The following KSR2 variants were observed in gnomAD, a reference collection of about 807,000 sequenced individuals.
KSR2 encodes kinase suppressor of ras 2.
In KSR2, 25 loss-of-function variants were observed where a neutral mutation model predicts 107.8. The observed-to-expected ratio is 0.23, with a 90% CI of 0.17 to 0.32. The LOEUF is 0.32. Ranked by LOEUF, KSR2 falls within the 10% of genes least tolerant of loss-of-function variation. KSR2 has a pLI of 1.00. For synonymous variants in KSR2, 480 were observed against 507.0 expected (o/e 0.95, Z 0.71); for missense variants, 887 against 1,268.9 (o/e 0.70, Z 4.57).
intron 4 of KSR2, among the ~76,000 whole-genome samples, chr12:117,712,674 A>C (rs905032716): frequency 2.0e-5 from 3 of 152,350 alleles, no homozygotes; most frequent in Non-Finnish European, 4.4e-5. Flanking sequence ...GAATACCTTC[A>C]GACTCAAGAC....
chr12:117,581,078 C>G (rs1879635672), intron 6 of KSR2, among the ~76,000 whole-genome samples: 1 of 152,226 alleles, frequency 6.6e-6, no homozygotes, highest in African/African-American at 2.4e-5. Context: ...ATTGACGTGT[C>G]TATCACACAC....
chr12:117,660,979 G>A (rs1158704168), intron 5 of KSR2, among the ~76,000 whole-genome samples: 1 of 152,188 alleles, frequency 6.6e-6, no homozygotes, highest in Non-Finnish European at 1.5e-5. Flanking sequence ...GGGCACAGAA[G>A]GACCTTAAGT....
At chr12:117,730,259 C>A (rs891814350) in intron 4 of KSR2, among the ~76,000 whole-genome samples, 4 of 152,244 alleles carry the variant, frequency 2.6e-5, no homozygotes, top group Non-Finnish European at 4.4e-5. Context: ...GTTATGTAAT[C>A]CTCCATACCT....
At chr12:117,796,898 A>T (rs1253446602) in intron 3 of KSR2, among the ~76,000 whole-genome samples, 1 of 152,168 alleles carries the variant, frequency 6.6e-6, no homozygotes, top group Non-Finnish European at 1.5e-5. Flanking sequence ...CAAGGAGGCC[A>T]GCCCAAAGTT....
intron 1 of KSR2, among the ~76,000 whole-genome samples, chr12:117,959,494 C>T (rs1896602248): frequency 6.6e-6 from 1 of 152,208 alleles, no homozygotes; most frequent in Admixed American, 6.5e-5. Context: ...AAAGCACAGT[C>T]ATTGAGGGCT....
intron 1 of KSR2, among the ~76,000 whole-genome samples, chr12:117,966,320 T>G (rs958135039): frequency 1.3e-5 from 2 of 152,112 alleles, no homozygotes; most frequent in African/African-American, 4.8e-5. Context: ...TTGGGGTTAT[T>G]TATTGACTGC....
intron 4 of KSR2, among the ~76,000 whole-genome samples, chr12:117,682,564 C>T (rs1012479264): frequency 4.6e-5 from 7 of 151,752 alleles, no homozygotes; most frequent in East Asian, 1.9e-4. Flanking sequence ...AATACAGGTG[C>T]GCACCACCAC....
intron 1 of KSR2, among the ~76,000 whole-genome samples, chr12:117,911,824 T>C (rs753613837): frequency 2.0e-5 from 3 of 152,200 alleles, no homozygotes; most frequent in Non-Finnish European, 2.9e-5. Context: ...AAGTAACATA[T>C]ATAAAGAGCA....
intron 1 of KSR2, among the ~76,000 whole-genome samples, chr12:117,946,490 T>C (rs140566103): frequency 0.012 from 1,771 of 152,270 alleles, 26 homozygotes; most frequent in Middle Eastern, 0.086. Context: ...CAATAAGATG[T>C]ACCAATTCCT....
intron 3 of KSR2, among the ~76,000 whole-genome samples, chr12:117,781,996 A>G (rs1889904786): frequency 6.6e-6 from 1 of 152,242 alleles, no homozygotes. Context: ...AGAGATGTTC[A>G]TGCTTAACAT....
intron 16 of KSR2, 128 bp downstream of exon 16, chr12:117,484,267 ATCCCACATCAGTAGAGCAGCT>A: frequency 2.4e-6 from 2 of 830,192 alleles, no homozygotes; most frequent in East Asian, 5.8e-5. Flanking sequence ...GGGCCTTGGC[ATCCCACATCAGTAGAGCAGCT>A]GCCCCACTCA....
At chr12:117,802,098 G>A (rs1015171354) in intron 3 of KSR2, among the ~76,000 whole-genome samples, 1 of 151,972 alleles carries the variant, frequency 6.6e-6, no homozygotes, top group African/African-American at 2.4e-5. Context: ...GTCTTACTAG[G>A]CAAAAATCAA....
intron 3 of KSR2, among the ~76,000 whole-genome samples, chr12:117,852,755 A>T (rs1359244631): frequency 6.6e-6 from 1 of 152,180 alleles, no homozygotes; most frequent in African/African-American, 2.4e-5. Context: ...AACTTTCTGG[A>T]AAGATATATG....
intron 1 of KSR2, among the ~76,000 whole-genome samples, chr12:117,965,237 T>C (rs1409961341): frequency 1.3e-5 from 2 of 152,154 alleles, no homozygotes; most frequent in African/African-American, 2.4e-5. Flanking sequence ...CTTGCAACCA[T>C]AAGAGAAAAG....
At chr12:117,761,645 G>T in intron 3 of KSR2, 121 bp from the exon 4 acceptor site, 1 of 909,684 alleles carries the variant, frequency 1.1e-6, no homozygotes, top group Non-Finnish European at 1.8e-6. Flanking sequence ...TCATGTGCAT[G>T]TTACACTATA....
At chr12:117,714,913 T>C (rs193254455) in intron 4 of KSR2, among the ~76,000 whole-genome samples, 1 of 152,264 alleles carries the variant, frequency 6.6e-6, no homozygotes, top group African/African-American at 2.4e-5. Context: ...TTCTATGCTA[T>C]GTGGAGGGCA....
intron 2 of KSR2, among the ~76,000 whole-genome samples, chr12:117,856,452 T>C (rs1031587230): frequency 3.3e-5 from 5 of 152,016 alleles, no homozygotes; most frequent in African/African-American, 1.2e-4. Flanking sequence ...TACTTAAGGG[T>C]TTTTTGCCTT....
chr12:117,871,990 A>G (rs995826141), intron 1 of KSR2, among the ~76,000 whole-genome samples: 1 of 152,204 alleles, frequency 6.6e-6, no homozygotes, highest in Non-Finnish European at 1.5e-5. Context: ...CCTATATGAT[A>G]GTAAGTTACA....
intron 5 of KSR2, among the ~76,000 whole-genome samples, chr12:117,611,712 T>G (rs1881612210): frequency 6.6e-6 from 1 of 152,150 alleles, no homozygotes; most frequent in African/African-American, 2.4e-5. Context: ...TTTCTGGAAC[T>G]CCTATTCTAC....
Sources: allele counts gnomAD v4.1 joint callset (sites outside exome capture counted in the v4.1 genomes callset), GRCh38; gene constraint gnomAD v4.1.1; transcripts MANE v1.5; gene names NCBI Gene and HGNC (gene_info 2026-07-23, HGNC 2026-07-21).